CDC123: variants seen among roughly 807,000 people sequenced by gnomAD.
CDC123 encodes the protein translation initiation factor eIF2 assembly protein.
A neutral mutation model predicts 54.4 loss-of-function variants in CDC123; 37 were observed. That is an observed-to-expected ratio of 0.68 (90% CI 0.52 to 0.89). The LOEUF is 0.89. CDC123 is among the 40% of genes least tolerant of loss of function. CDC123 has a pLI of 0.00. For synonymous variants in CDC123, 144 were observed against 136.8 expected, an observed-to-expected ratio of 1.05 and a Z score of -0.37; for missense variants, 361 against 412.1, an observed-to-expected ratio of 0.88 and a Z score of 1.07.
Position 12,250,447 on chromosome 10 carries a change from C to T in CDC123, c.*110C>T. On this transcript the variant is annotated 3_prime_UTR_variant, in exon 13 of 13. Transcript: ENST00000281141. ...ATGCGGGTGGGCCGAGCAGTGTGGA[C>T]ATCAGCCACTTTTTATATTCATGTA... is the stretch of plus-strand genomic sequence containing the variant. The T allele has an allele frequency of 1.2e-6, 1 of 816,506 alleles. No individual in the cohort carries two copies. Among genetic ancestry groups the T allele is most frequent in the Non-Finnish European group, 2.2e-6 (1 of 457,460 alleles). 50.6% of individuals were successfully genotyped at this position (816,506 alleles called of 1,614,324 possible). A position where few individuals can be genotyped will look rare whatever the true frequency, so the allele number is the denominator to read the frequency against.
intron 10 of CDC123, among the ~76,000 whole-genome samples, chr10:12,240,366 G>T (rs1189149370): frequency 6.6e-6 from 1 of 152,110 alleles, no homozygotes; most frequent in East Asian, 1.9e-4. Flanking sequence ...TTCTCTCTCC[G>T]TGCTTAGATC....
intron 4 of CDC123, among the ~76,000 whole-genome samples, chr10:12,211,318 G>C (rs1220039888): frequency 6.6e-6 from 1 of 152,068 alleles, no homozygotes; most frequent in Non-Finnish European, 1.5e-5. Flanking sequence ...CTAGTTTTGT[G>C]GGAGGGTCTG....
chr10:12,212,726 C>T (rs1038379530), intron 4 of CDC123, among the ~76,000 whole-genome samples: 1 of 152,172 alleles, frequency 6.6e-6, no homozygotes, highest in African/African-American at 2.4e-5. Context: ...AATGCAGGTG[C>T]ACAACCCAGC....
intron 6 of CDC123, among the ~76,000 whole-genome samples, chr10:12,219,689 G>GGTT (rs1554807039): frequency 4.3e-5 from 1 of 22,992 alleles, no homozygotes; most frequent in Non-Finnish European, 8.6e-5. Flanking sequence ...AACTGATAAT[G>GGTT]GTTTTTTTTT....
chr10:12,231,197 C>T (rs1184383162), intron 7 of CDC123, among the ~76,000 whole-genome samples: 2 of 152,272 alleles, frequency 1.3e-5, no homozygotes, highest in East Asian at 3.9e-4. Flanking sequence ...TACATGTATG[C>T]AGTATACACT....
chr10:12,240,713 A>G (rs1327666012), intron 10 of CDC123, among the ~76,000 whole-genome samples: 3 of 152,054 alleles, frequency 2.0e-5, no homozygotes, highest in Non-Finnish European at 4.4e-5. Context: ...TCGTCTCTAC[A>G]TAAAAATTAG....
At chr10:12,210,352 C>T (rs1835580878) in intron 4 of CDC123, 30 bp downstream of exon 4, 4 of 1,613,082 alleles carry the variant, frequency 2.5e-6, no homozygotes, top group African/African-American at 2.7e-5. Context: ...AGCGTGGGGA[C>T]AGCCTCACAC....
chr10:12,238,395 AAAG>A (rs1244101728), intron 9 of CDC123, 59 bp from the exon 10 acceptor site: 3 of 1,554,946 alleles, frequency 1.9e-6, no homozygotes, highest in Non-Finnish European at 2.6e-6. Context: ...TTAATTTTCA[AAAG>A]GAGATTTACA....
chr10:12,202,288 C>T (rs1004140374), intron 2 of CDC123, among the ~76,000 whole-genome samples: 10 of 152,160 alleles, frequency 6.6e-5, no homozygotes, highest in African/African-American at 2.4e-4. Flanking sequence ...TCAGTTTCGT[C>T]AGTTCTAGAA....
At chr10:12,206,622 A>G (rs1835522319) in intron 2 of CDC123, among the ~76,000 whole-genome samples, 1 of 152,186 alleles carries the variant, frequency 6.6e-6, no homozygotes, top group Non-Finnish European at 1.5e-5. Context: ...GACCAGACTG[A>G]CCAACATGGC....
intron 1 of CDC123, among the ~76,000 whole-genome samples, chr10:12,197,368 C>T (rs1296889628): frequency 7.3e-6 from 1 of 137,514 alleles, no homozygotes; most frequent in Non-Finnish European, 1.6e-5. Context: ...AAATTAAAAG[C>T]CTGAAGAACT....
chr10:12,196,238 G>A lies in CDC123; in HGVS notation c.-8G>A. ...AGAGGGAAAGGCAGCAGCGGCGGCAGCTGGAGGATGAAGAAGGAGCATGTG... is the reference window on the plus strand; with the variant it reads ...AGAGGGAAAGGCAGCAGCGGCGGCAACTGGAGGATGAAGAAGGAGCATGTG... On this transcript the variant is annotated 5_prime_UTR_variant, in exon 1 of 13. Coordinates refer to ENST00000281141, the MANE Select transcript of CDC123 (RefSeq NM_006023.3). The A allele has an allele frequency of 6.2e-7, 1 of 1,613,956 alleles. No homozygotes were observed.
intron 1 of CDC123, among the ~76,000 whole-genome samples, chr10:12,197,889 ACTT>A (rs1835386806): frequency 6.6e-6 from 1 of 152,154 alleles, no homozygotes; most frequent in African/African-American, 2.4e-5. Context: ...GCCAAAAAAA[ACTT>A]CTTCCATAAA....
intron 6 of CDC123, among the ~76,000 whole-genome samples, chr10:12,224,488 C>G (rs1468460773): frequency 6.6e-6 from 1 of 151,418 alleles, no homozygotes; most frequent in South Asian, 2.1e-4. Flanking sequence ...CCTGAGAATT[C>G]TTTTAGTTTG....
chr10:12,230,576 A>G (rs1004045382), intron 6 of CDC123, among the ~76,000 whole-genome samples: 2 of 152,242 alleles, frequency 1.3e-5, no homozygotes, highest in Non-Finnish European at 2.9e-5. Flanking sequence ...CCACTCAAAC[A>G]TGTATCCATC....
At chr10:12,243,058 C>A (rs1467414708) in intron 10 of CDC123, among the ~76,000 whole-genome samples, 1 of 151,826 alleles carries the variant, frequency 6.6e-6, no homozygotes, top group Non-Finnish European at 1.5e-5. Context: ...AGCTTCTGAG[C>A]TACAGAGTAC....
chr10:12,205,090 A>G (rs1452625813), intron 2 of CDC123, among the ~76,000 whole-genome samples: 1 of 151,264 alleles, frequency 6.6e-6, no homozygotes, highest in Non-Finnish European at 1.5e-5. Flanking sequence ...TACCCTTCAC[A>G]GCCTTTGCTA....
Position 12,250,566 on chromosome 10 carries a change from T to A in CDC123, c.*229T>A, listed in dbSNP as rs12126. ...ACATAGGAAAACCATACTGTTCTGATAATAAAATGCTTTCTATGAAATACG... is the reference window on the plus strand; with the variant it reads ...ACATAGGAAAACCATACTGTTCTGAAAATAAAATGCTTTCTATGAAATACG... On this transcript the variant is annotated 3_prime_UTR_variant, in exon 13 of 13. Coordinates refer to ENST00000281141, the MANE Select transcript of CDC123 (RefSeq NM_006023.3). 8,721 of 480,138 alleles carry A rather than the reference T, an allele frequency of 0.018. 346 individuals carry two copies. The highest frequency in any genetic ancestry group is 0.089 in the East Asian group (2,516 of 28,112). 29.7% of individuals were successfully genotyped at this position (480,138 alleles called of 1,614,324 possible). A position where few individuals can be genotyped will look rare whatever the true frequency, so the allele number is the denominator to read the frequency against.
chr10:12,207,712 G>A (rs567863288), intron 2 of CDC123, among the ~76,000 whole-genome samples: 1 of 152,194 alleles, frequency 6.6e-6, no homozygotes, highest in Non-Finnish European at 1.5e-5. Flanking sequence ...TGGGAGCAGG[G>A]TGGGAGGAAG....
Sources: allele counts gnomAD v4.1 joint callset (sites outside exome capture counted in the v4.1 genomes callset), GRCh38; gene constraint gnomAD v4.1.1; transcripts MANE v1.5; gene names NCBI Gene and HGNC (gene_info 2026-07-23, HGNC 2026-07-21).